Variants in RAPGEF5 observed in about 807,000 individuals in gnomAD.
RAPGEF5 encodes the protein Rap guanine nucleotide exchange factor 5.
Under a neutral mutation model 125.2 loss-of-function variants are expected in RAPGEF5, and 65 were observed. The observed-to-expected ratio is 0.52, with a 90% CI of 0.43 to 0.64. The LOEUF is 0.64. Among genes scored for constraint, RAPGEF5 ranks in the 30% least tolerant of loss-of-function variants. The pLI is 0.00. For synonymous variants in RAPGEF5, 391 were observed against 385.9 expected, an observed-to-expected ratio of 1.01 and a Z score of -0.16; for missense variants, 958 against 1,048.1, an observed-to-expected ratio of 0.91 and a Z score of 1.19.
chr7:22,347,826 A>T (rs1424890341), intron 1 of RAPGEF5, among the ~76,000 whole-genome samples: 1 of 152,216 alleles, frequency 6.6e-6, no homozygotes, highest in East Asian at 1.9e-4. Context: ...AAACAACCTG[A>T]TATGATAAAT....
At position 22,228,815 on chromosome 7, in the gene RAPGEF5, C is replaced by T. The variant is rs190678746; in HGVS notation, c.870+2031G>A. Among the ~76,000 whole-genome samples the T allele has an allele frequency of 5.9e-5, 9 of 151,970 alleles. No individual in the cohort carries two copies. The East Asian group carries it at 1.2e-3, about 20-fold the overall frequency. On this transcript the variant is annotated intron_variant, in intron 8 of 25. Transcript: ENST00000665637. ...GGTGCGAGCCACCACGACTGTTACT[C>T]GCCCAAGGTTACTGTGCCAGTCAGG...
intron 7 of RAPGEF5, among the ~76,000 whole-genome samples, chr7:22,243,065 C>T (rs1037022879): frequency 3.3e-5 from 5 of 151,786 alleles, no homozygotes; most frequent in African/African-American, 1.2e-4. Flanking sequence ...GAGCCACTGT[C>T]AAAAATAAAG....
At chr7:22,143,618 G>T (rs766109952) in intron 20 of RAPGEF5, among the ~76,000 whole-genome samples, 3 of 152,054 alleles carry the variant, frequency 2.0e-5, no homozygotes, top group Non-Finnish European at 4.4e-5. Context: ...CACTGAGTTG[G>T]CCTCCCACAG....
intron 14 of RAPGEF5, among the ~76,000 whole-genome samples, chr7:22,159,729 T>C (rs1783923011): frequency 6.6e-6 from 1 of 152,186 alleles, no homozygotes; most frequent in African/African-American, 2.4e-5. Context: ...CACTTAGACA[T>C]GCCAAGAGTC....
intron 3 of RAPGEF5, among the ~76,000 whole-genome samples, chr7:22,311,390 A>T (rs1300251937): frequency 1.3e-5 from 2 of 152,178 alleles, no homozygotes; most frequent in African/African-American, 4.8e-5. Context: ...AGATGCCGAC[A>T]TTTATTTGTA....
In RAPGEF5 at chr7:22,122,373, G is replaced by A; in HGVS notation, c.*33C>T. On this transcript the variant is annotated 3_prime_UTR_variant, in exon 26 of 26. Coordinates refer to ENST00000665637, the MANE Select transcript of RAPGEF5 (RefSeq NM_012294.5). The stretch of plus-strand genomic sequence containing the variant: ...CATAGACATTCCCGTAGCTCAAAGT[G>A]CTGCAGATACAGGGGAGGTGAGGCA... 6.6e-7 allele frequency: 1 copy of A among 1,513,028 alleles called. No homozygotes were observed. The highest frequency in any genetic ancestry group is 9.2e-7 in the Non-Finnish European group (1 of 1,090,190). The allele number at this position is 1,513,028 out of a possible 1,614,324, so 93.7% of individuals were successfully genotyped here. A position where few individuals can be genotyped will look rare whatever the true frequency, so the allele number is the denominator to read the frequency against.
chr7:22,123,293 T>A lies in RAPGEF5; in HGVS notation c.2537-772A>T, dbSNP rs548611180. Among the ~76,000 whole-genome samples the A allele has an allele frequency of 1.5e-3, 221 of 152,174 alleles. 2 individuals carry two copies. Among genetic ancestry groups the A allele is most frequent in the African/African-American group, 5.2e-3 (217 of 41,502 alleles). Reference sequence around the variant, plus strand: ...CGTCCGTGCTGATAAGGAACCAGGATGAAGCAGCATGAACCACGAGGCAAG... The same window carrying A: ...CGTCCGTGCTGATAAGGAACCAGGAAGAAGCAGCATGAACCACGAGGCAAG... On this transcript the variant is annotated intron_variant, in intron 25 of 25. Coordinates refer to ENST00000665637, the MANE Select transcript of RAPGEF5 (RefSeq NM_012294.5).
At chr7:22,296,136 A>C (rs1244250016) in intron 5 of RAPGEF5, among the ~76,000 whole-genome samples, 3 of 152,178 alleles carry the variant, frequency 2.0e-5, no homozygotes, top group Admixed American at 1.3e-4. Context: ...TGACTGGGTG[A>C]GGGCACATCC....
intron 12 of RAPGEF5, among the ~76,000 whole-genome samples, chr7:22,163,609 T>C (rs1171555207): frequency 6.6e-6 from 1 of 152,182 alleles, no homozygotes; most frequent in Non-Finnish European, 1.5e-5. Context: ...GATGACCATA[T>C]GTAAATTATG....
chr7:22,127,823 A>G (rs1782796120), intron 24 of RAPGEF5, among the ~76,000 whole-genome samples: 1 of 152,262 alleles, frequency 6.6e-6, no homozygotes, highest in African/African-American at 2.4e-5. Flanking sequence ...GAAGAAATAC[A>G]GAAATATTAT....
chr7:22,122,533 A>AG lies in RAPGEF5; in HGVS notation c.2537-13dup. On this transcript the variant is annotated splice_polypyrimidine_tract_variant and intron_variant, in intron 25 of 25. Coordinates refer to ENST00000665637, the MANE Select transcript of RAPGEF5 (RefSeq NM_012294.5). ...TGGAGACAGGTCACCTGTTGTTTAG[A>AG]GGGGGAAAAAAGACAATCTCAGGAG... 3 of 1,590,852 alleles carry AG rather than the reference A, an allele frequency of 1.9e-6. No individual in the cohort carries two copies. Among genetic ancestry groups the AG allele is most frequent in the Non-Finnish European group, 8.6e-7 (1 of 1,159,854 alleles).
chr7:22,281,296 C>G (rs1024376927), intron 6 of RAPGEF5, among the ~76,000 whole-genome samples: 1 of 152,230 alleles, frequency 6.6e-6, no homozygotes, highest in African/African-American at 2.4e-5. Context: ...ACTGCTACCT[C>G]TGCTTTCCGA....
intron 1 of RAPGEF5, among the ~76,000 whole-genome samples, chr7:22,351,090 A>T (rs1784321224): frequency 6.6e-6 from 1 of 152,206 alleles, no homozygotes; most frequent in Non-Finnish European, 1.5e-5. Flanking sequence ...TCAAGTGAGC[A>T]TGGCTGATTT....
At chr7:22,161,710 T>C (rs772374243) in intron 13 of RAPGEF5, among the ~76,000 whole-genome samples, 10 of 152,254 alleles carry the variant, frequency 6.6e-5, no homozygotes, top group Non-Finnish European at 1.2e-4. Context: ...CAACTGAATG[T>C]TGAATTCAAA....
chr7:22,247,763 G>A (rs1466504520), intron 7 of RAPGEF5, among the ~76,000 whole-genome samples: 2 of 151,656 alleles, frequency 1.3e-5, no homozygotes, highest in African/African-American at 2.4e-5. Context: ...AAAAAAAATG[G>A]TACATATATA....
rs1435591048 is a variant in RAPGEF5 at position 22,356,054 on chromosome 7, T to C, written c.231+776A>G. On this transcript the variant is annotated intron_variant, in intron 1 of 25. Coordinates refer to ENST00000665637, the MANE Select transcript of RAPGEF5 (RefSeq NM_012294.5). ...TGTGTCCTGAGGCCCTGGCGGGGCC[T>C]CCTAGGTGGCTTCTTAAAGATCCCA... 4 of 985,268 alleles carry C rather than the reference T, an allele frequency of 4.1e-6. No homozygotes were observed. The East Asian group carries it at 4.5e-4, about 112-fold the overall frequency. The allele number at this position is 985,268 out of a possible 1,614,324, so 61.0% of individuals were successfully genotyped here.
intron 21 of RAPGEF5, among the ~76,000 whole-genome samples, chr7:22,138,006 TACACAC>T (rs57116603): frequency 1.2e-3 from 180 of 148,414 alleles, no homozygotes; most frequent in Middle Eastern, 3.5e-3. Context: ...GTTTGGAAAC[TACACAC>T]ACACACACAC....
chr7:22,316,509 G>A (rs1171383495), intron 2 of RAPGEF5, among the ~76,000 whole-genome samples: 1 of 42,302 alleles, frequency 2.4e-5, no homozygotes, highest in Admixed American at 2.4e-4. Flanking sequence ...TTTTTTTTTT[G>A]AGGCAGGGTC....
intron 7 of RAPGEF5, among the ~76,000 whole-genome samples, chr7:22,247,452 G>T (rs2128137466): frequency 6.6e-6 from 1 of 152,260 alleles, no homozygotes; most frequent in South Asian, 2.1e-4. Context: ...GCTGTTGTTT[G>T]TGACAGTAAA....
Sources: gnomAD v4.1 joint callset for allele counts (sites outside exome capture counted in the v4.1 genomes callset) on GRCh38, gnomAD v4.1.1 for gene constraint, MANE v1.5 for transcripts, NCBI Gene and HGNC (gene_info 2026-07-23, HGNC 2026-07-21) for gene names.